Variants in ATP8B3 observed in about 807,000 individuals in gnomAD.
ATP8B3 encodes the protein phospholipid-transporting ATPase IK.
Under a neutral mutation model 140.9 loss-of-function variants are expected in ATP8B3, and 141 were observed. The ratio of observed to expected loss-of-function variants is 1.00; its 90% CI spans 0.87 to 1.15. The LOEUF (loss-of-function observed/expected upper bound fraction) is 1.15, where lower values mean the gene tolerates loss of function less well. Among genes scored for constraint, ATP8B3 ranks in the 50% most tolerant of loss-of-function variants. The probability of loss-of-function intolerance (pLI) is 0.00; values close to 1 mark genes in which losing one functional copy is unlikely to be tolerated. For missense variants in ATP8B3, 1,874 were observed against 1,740.6 expected (o/e 1.08, Z -1.36); for synonymous variants, 765 against 714.6 (o/e 1.07, Z -1.13).
chr19:1,806,012 G>A lies in ATP8B3; in HGVS notation c.751-54C>T. On this transcript the variant is annotated intron_variant, in intron 8 of 28. Transcript: ENST00000310127. The surrounding 1 kb of genome is among the most constrained non-coding windows in gnomAD (Gnocchi z 5.6). ...AGAGGGGATGCAAGACAAATTGGGG[G>A]TGCGGCAGCCCTCCCCACCCTGGGA... 2 of 1,609,702 alleles carry A rather than the reference G, an allele frequency of 1.2e-6. No homozygotes were observed. Among genetic ancestry groups the A allele is most frequent in the Non-Finnish European group, 1.7e-6 (2 of 1,178,414 alleles).
At position 1,800,025 on chromosome 19, in the gene ATP8B3, T is replaced by G; in HGVS notation, c.1474A>C (p.Ile492Leu). ...AGCGTGCCCGTCTTGTCCGAGAAGA[T>G]GTATTCCACCTGGCCCAGGTGGTCG... ...LNDHLGQVEYIFSDKTGTLTQ... is the reference protein window; with the variant it reads ...LNDHLGQVEYLFSDKTGTLTQ... Residue 492 changes from isoleucine to leucine, a missense_variant, in exon 14 of 29, where the codon ATC (isoleucine) becomes CTC (leucine). By Grantham distance (5) the Ile-to-Leu change is conservative. Coordinates refer to ENST00000310127, the MANE Select transcript of ATP8B3 (RefSeq NM_138813.4). The surrounding 1 kb of genome is among the most constrained non-coding windows in gnomAD (Gnocchi z 4.4). 2 of 1,605,400 alleles carry G rather than the reference T, an allele frequency of 1.2e-6. No homozygotes were observed. The highest frequency in any genetic ancestry group is 1.7e-6 in the Non-Finnish European group (2 of 1,176,258).
chr19:1,787,263 G>A, intron 24 of ATP8B3, 77 bp from the exon 25 acceptor site: 1 of 1,292,620 alleles, frequency 7.7e-7, no homozygotes, highest in East Asian at 2.5e-5. Flanking sequence ...GGCACCCAGG[G>A]AGGGTTCTGG....
intron 4 of ATP8B3, among the ~76,000 whole-genome samples, chr19:1,809,249 G>A (rs1283096141): frequency 2.0e-5 from 3 of 149,872 alleles, no homozygotes; most frequent in African/African-American, 4.9e-5. Flanking sequence ...TTGGGAGGCC[G>A]AGGTGGGTGG....
Position 1,782,632 on chromosome 19 carries a change from C to T in ATP8B3, c.*396G>A, listed in dbSNP as rs904326951. ...CCGAGGAGTCTGGCTGGCTCTCCAA[C>T]GTCAGCTGGCCTGAAAGAAATGACT... is the stretch of plus-strand genomic sequence containing the variant. On this transcript the variant is annotated 3_prime_UTR_variant, in exon 29 of 29. Coordinates refer to ENST00000310127, the MANE Select transcript of ATP8B3 (RefSeq NM_138813.4). 1.6e-5 allele frequency: 4 copies of T among 254,298 alleles called. No individual in the cohort carries two copies. Among genetic ancestry groups the T allele is most frequent in the Middle Eastern group, 1.4e-3 (1 of 700 alleles). 15.8% of individuals were successfully genotyped at this position (254,298 alleles called of 1,614,324 possible).
rs747800641 is a variant in ATP8B3, at chr19:1,805,902, C to T, written c.807G>A (p.Thr269=). 75 of 1,612,854 alleles carry T rather than the reference C, an allele frequency of 4.7e-5. No individual in the cohort carries two copies. Among genetic ancestry groups the T allele is most frequent in the East Asian group, 1.1e-4 (5 of 44,842 alleles). ...TEPSSLCYVE[T]VDIDGETNLK... The stretch of plus-strand genomic sequence containing the variant: ...CAGCTCCTCACCCGTCAATGTCCAC[C>T]GTCTCCACATAGCACAGGCTGCTGG... The change falls in exon 9 of 29, where the codon ACG becomes ACA. Residue 269 remains threonine, a synonymous_variant. Transcript: ENST00000310127. This position sits in a 1 kb window ranked among gnomAD's most constrained non-coding sequence, Gnocchi z 5.2.
chr19:1,802,810 G>A (rs2068896933), intron 10 of ATP8B3, among the ~76,000 whole-genome samples, 165 bp from the exon 11 acceptor site: 1 of 152,098 alleles, frequency 6.6e-6, no homozygotes, highest in South Asian at 2.1e-4. Context: ...AAGCCTTCCT[G>A]TCCCCACCTG....
At position 1,801,773 on chromosome 19, in the gene ATP8B3, T is replaced by C. The variant is rs571142766; in HGVS notation, c.1152+183A>G. 9.9e-5 allele frequency among the ~76,000 whole-genome samples: 15 copies of C among 152,004 alleles called. No homozygotes were observed. The South Asian group carries it at 2.7e-3, about 27-fold the overall frequency. ...CTCTAAAAAATAAATAAATACATAATTATTATTATTTTATAAAACTTTTTA... is the reference window on the plus strand; with the variant it reads ...CTCTAAAAAATAAATAAATACATAACTATTATTATTTTATAAAACTTTTTA... On this transcript the variant is annotated intron_variant, in intron 12 of 28. Coordinates refer to ENST00000310127, the MANE Select transcript of ATP8B3 (RefSeq NM_138813.4).
In ATP8B3 at chr19:1,808,276, G is replaced by A. The variant is rs61739534; in HGVS notation, c.462C>T (p.Tyr154=). Residue 154 remains tyrosine (Y), a synonymous_variant, in exon 5 of 29, where the codon TAC becomes TAT. Transcript: ENST00000310127. ...GGTTGGACACGCGGTGGAACTGCTC[G>A]TACAGGTTCAGCGGCAGGAACGAGT... ...NFYSFLPLNL[Y]EQFHRVSNLF... 0.061 allele frequency: 98,455 copies of A among 1,613,006 alleles called. 3,566 individuals are homozygous for A. Among genetic ancestry groups the A allele is most frequent in the Non-Finnish European group, 0.073 (86,014 of 1,179,484 alleles).
At chr19:1,783,454 C>G (rs962811525) in intron 28 of ATP8B3, among the ~76,000 whole-genome samples, 184 bp from the exon 29 acceptor site, 5 of 152,192 alleles carry the variant, frequency 3.3e-5, no homozygotes, top group Non-Finnish European at 7.4e-5. Context: ...AAGGAGGACT[C>G]TAGTCCTTTG....
At position 1,805,288 on chromosome 19, in the gene ATP8B3, A is replaced by T; in HGVS notation, c.904+86T>A. 7.4e-7 allele frequency: 1 copy of T among 1,351,884 alleles called. No homozygotes were observed. The highest frequency in any genetic ancestry group is 1.0e-6 in the Non-Finnish European group (1 of 967,392). The allele number at this position is 1,351,884 out of a possible 1,614,324, so 83.7% of individuals were successfully genotyped here. A position where few individuals can be genotyped will look rare whatever the true frequency, so the allele number is the denominator to read the frequency against. ...CTGGGCCTGGCCAGCACCTTGTTTT[A>T]AAAACAGTAATAACAACAACAAAAT... On this transcript the variant is annotated intron_variant, in intron 10 of 28. Coordinates refer to ENST00000310127, the MANE Select transcript of ATP8B3 (RefSeq NM_138813.4). This position sits in a 1 kb window ranked among gnomAD's most constrained non-coding sequence, Gnocchi z 5.2.
Position 1,808,461 on chromosome 19 carries a change from A to G in ATP8B3, c.403-126T>C, listed in dbSNP as rs2069094971. On this transcript the variant is annotated intron_variant, in intron 4 of 28. Coordinates refer to ENST00000310127, the MANE Select transcript of ATP8B3 (RefSeq NM_138813.4). ...TCCTCTGGGCTATGGGACACACACC[A>G]TTCATTAAGCATCTACTGAGCCAGC... 2.5e-5 allele frequency: 16 copies of G among 638,174 alleles called. No individual in the cohort carries two copies. In the Admixed American group the frequency reaches 2.7e-4, roughly 11 times the overall value. 39.5% of individuals were successfully genotyped at this position (638,174 alleles called of 1,614,324 possible).
In ATP8B3 at chr19:1,785,673, C is replaced by G. The variant is rs374843130; in HGVS notation, c.3189G>C (p.Glu1063Asp). 6 of 1,612,170 alleles carry G rather than the reference C, an allele frequency of 3.7e-6. No individual in the cohort carries two copies. Among genetic ancestry groups the G allele is most frequent in the African/African-American group, 1.3e-5 (1 of 74,876 alleles). ...CGTCCTTCTGCCCCACCACGTACAGCTCCGGCTTCTCCAGGCTCTGCTCTG... is the reference window on the plus strand; with the variant it reads ...CGTCCTTCTGCCCCACCACGTACAGGTCCGGCTTCTCCAGGCTCTGCTCTG... ...VSAEQSLEKP[E>D]LYVVGQKDEL... The change falls in exon 26 of 29, where the codon GAG becomes GAC. Residue 1063 changes from glutamate (E) to aspartate (D), a missense_variant. Physicochemically the swap from Glu to Asp is conservative, Grantham distance 45. Around this residue, in one of 3 missense-constraint regions of ATP8B3, gnomAD observed 840 missense variants for 760.9 expected, o/e 1.10. Coordinates refer to ENST00000310127, the MANE Select transcript of ATP8B3 (RefSeq NM_138813.4).
chr19:1,796,452 TC>T (rs1365440471), intron 16 of ATP8B3, among the ~76,000 whole-genome samples, 187 bp from the exon 17 acceptor site: 1 of 152,156 alleles, frequency 6.6e-6, no homozygotes, highest in Non-Finnish European at 1.5e-5. Context: ...CAACAACAGA[TC>T]CTCGGGCTCC....
At chr19:1,793,639 G>A (rs1393678121) in intron 18 of ATP8B3, among the ~76,000 whole-genome samples, 2 of 152,236 alleles carry the variant, frequency 1.3e-5, no homozygotes, top group Non-Finnish European at 2.9e-5. Flanking sequence ...TGGTCGGGGG[G>A]TCCCCAAGGA....
chr19:1,806,342 C>T lies in ATP8B3; in HGVS notation c.678-173G>A, dbSNP rs1466301014. Reference sequence around the variant, plus strand: ...CCACCCCACTCCCCGCGGGTCCACGCTCCCACCCAGTGACCTCCAGGGTCC... The same window carrying T: ...CCACCCCACTCCCCGCGGGTCCACGTTCCCACCCAGTGACCTCCAGGGTCC... On this transcript the variant is annotated intron_variant, in intron 7 of 28. Transcript: ENST00000310127. The surrounding 1 kb of genome is among the most constrained non-coding windows in gnomAD (Gnocchi z 5.6). The T allele has an allele frequency of 6.8e-7, 1 of 1,461,620 alleles. No homozygotes were observed. The highest frequency in any genetic ancestry group is 1.4e-5 in the African/African-American group (1 of 70,562). 90.5% of individuals were successfully genotyped at this position (1,461,620 alleles called of 1,614,324 possible).
chr19:1,800,484 G>T lies in ATP8B3; in HGVS notation c.1153-35C>A. 1 of 1,500,210 alleles carries T rather than the reference G, an allele frequency of 6.7e-7. No homozygotes were observed. The highest frequency in any genetic ancestry group is 9.2e-7 in the Non-Finnish European group (1 of 1,085,516). The allele number at this position is 1,500,210 out of a possible 1,614,324, so 92.9% of individuals were successfully genotyped here. On this transcript the variant is annotated intron_variant, in intron 12 of 28. Coordinates refer to ENST00000310127, the MANE Select transcript of ATP8B3 (RefSeq NM_138813.4). This position sits in a 1 kb window ranked among gnomAD's most constrained non-coding sequence, Gnocchi z 4.4. ...AGACGCGACAGGGTGGGTGAGGGGG[G>T]CGGGGGTCCCCCACTCTGCCATCAG...
chr19:1,788,949 G>A lies in ATP8B3; in HGVS notation c.3017C>T (p.Ala1006Val), dbSNP rs1239155073. Residue 1006 changes from alanine (A) to valine (V), a missense_variant, in exon 24 of 29, where the codon GCC (alanine) becomes GTC (valine). By Grantham distance (64) the Ala-to-Val change is moderately conservative. Around this residue, in one of 3 missense-constraint regions of ATP8B3, gnomAD observed 840 missense variants for 760.9 expected, o/e 1.10. Transcript: ENST00000310127. ...AAACCAGACCTGCACCATCATGCTG[G>A]CCATGCTCTTGTAGAAGAAGTAGCG... ...FLRYFFYKSM[A>V]SMMVQVWFAC... is the part of the protein sequence containing the mutation. 6.2e-7 allele frequency: 1 copy of A among 1,608,192 alleles called. No individual in the cohort carries two copies. Among genetic ancestry groups the A allele is most frequent in the Middle Eastern group, 1.7e-4 (1 of 6,058 alleles).
chr19:1,788,854 C>A, intron 24 of ATP8B3, 43 bp downstream of exon 24: 1 of 1,510,590 alleles, frequency 6.6e-7, no homozygotes, highest in Non-Finnish European at 9.0e-7. Context: ...GCAGGGCATC[C>A]CCAGAGGCCC....
chr19:1,806,601 G>A lies in ATP8B3; in HGVS notation c.677+27C>T. The stretch of plus-strand genomic sequence containing the variant: ...GGGCTGGAGCCCCCGTGTCCCCGCG[G>A]ATCCCCAGCTGCAGCCCCAGCCTCA... On this transcript the variant is annotated intron_variant, in intron 7 of 28. Transcript: ENST00000310127. This position sits in a 1 kb window ranked among gnomAD's most constrained non-coding sequence, Gnocchi z 5.6. The A allele has an allele frequency of 1.3e-6, 2 of 1,552,078 alleles. No homozygotes were observed. The highest frequency in any genetic ancestry group is 1.7e-6 in the Non-Finnish European group (2 of 1,147,818).
Sources: gnomAD v4.1 joint callset for allele counts (sites outside exome capture counted in the v4.1 genomes callset) on GRCh38, gnomAD v4.1.1 for gene constraint, gnomAD v4.1.1 regional missense constraint, Gnocchi (gnomAD v3.1) non-coding constraint, MANE v1.5 for transcripts, NCBI Gene and HGNC (gene_info 2026-07-23, HGNC 2026-07-21) for gene names.